MPP3: variants seen among roughly 807,000 people sequenced by gnomAD.
The protein encoded by MPP3 is MAGUK p55 subfamily member 3.
In MPP3, 48 loss-of-function variants were observed where a neutral mutation model predicts 80.7. The observed-to-expected ratio is 0.59, with a 90% CI of 0.47 to 0.76. The LOEUF is 0.76. Among genes scored for constraint, MPP3 ranks in the 30% least tolerant of loss-of-function variants. The probability of loss-of-function intolerance (pLI) is 0.00; values close to 1 mark genes in which losing one functional copy is unlikely to be tolerated. For missense variants in MPP3, 620 were observed against 763.0 expected, an observed-to-expected ratio of 0.81 and a Z score of 2.21; for synonymous variants, 311 against 297.6, an observed-to-expected ratio of 1.04 and a Z score of -0.46.
rs1264169757 is a variant in MPP3 at position 43,820,603 on chromosome 17, A to ATACACACAC, written c.881+258_881+259insGTGTGTGTA. ...GAGACTCTGTCTCAAAAAAAAAAAA[A>ATACACACAC]ATACACACACACACACACACACACA... is the stretch of plus-strand genomic sequence containing the variant. On this transcript the variant is annotated intron_variant, in intron 11 of 19. Transcript: ENST00000398389. 1.5e-3 allele frequency among the ~76,000 whole-genome samples: 188 copies of ATACACACAC among 127,592 alleles called. 2 individuals are homozygous for ATACACACAC. The highest frequency in any genetic ancestry group is 6.7e-3 in the African/African-American group (183 of 27,288). The allele number at this position is 127,592 out of a possible 152,430, so 83.7% of individuals were successfully genotyped here.
intron 11 of MPP3, among the ~76,000 whole-genome samples, chr17:43,820,624 A>G (rs2045400512): frequency 6.6e-6 from 1 of 150,986 alleles, no homozygotes; most frequent in Non-Finnish European, 1.5e-5. Context: ...ACACACACAC[A>G]CACACACACA....
intron 18 of MPP3, among the ~76,000 whole-genome samples, chr17:43,809,819 C>T (rs1472157678): frequency 2.6e-5 from 4 of 151,968 alleles, no homozygotes; most frequent in Admixed American, 1.3e-4. Flanking sequence ...GCGGAGCTTG[C>T]GGTGAACCAA....
intron 7 of MPP3, among the ~76,000 whole-genome samples, chr17:43,829,288 A>T (rs934104152): frequency 1.3e-5 from 2 of 152,210 alleles, no homozygotes; most frequent in Non-Finnish European, 2.9e-5. Context: ...AGCCACAGCC[A>T]ATCTGTAAGT....
intron 11 of MPP3, among the ~76,000 whole-genome samples, chr17:43,820,639 CATT>C (rs1374188188): frequency 1.4e-5 from 2 of 145,312 alleles, no homozygotes; most frequent in East Asian, 2.0e-4. Flanking sequence ...CACACACACA[CATT>C]AACTTAATAA....
rs1246367860 is a variant in MPP3 at position 43,825,861 on chromosome 17, A to T, written c.524-20T>A. On this transcript the variant is annotated intron_variant, in intron 8 of 19. Coordinates refer to ENST00000398389, the MANE Select transcript of MPP3 (RefSeq NM_001932.6). ...CCAGGCCTAGGAGACACAGGGACTG[A>T]CCATCAGCACAGGAGGAGGACCTGA... 4 of 1,501,930 alleles carry T rather than the reference A, an allele frequency of 2.7e-6. No homozygotes were observed. Among genetic ancestry groups the T allele is most frequent in the Non-Finnish European group, 3.7e-6 (4 of 1,077,832 alleles). 93.0% of individuals were successfully genotyped at this position (1,501,930 alleles called of 1,614,324 possible). A position where few individuals can be genotyped will look rare whatever the true frequency, so the allele number is the denominator to read the frequency against.
intron 19 of MPP3, among the ~76,000 whole-genome samples, chr17:43,802,249 G>A (rs937147860): frequency 5.3e-5 from 8 of 152,112 alleles, no homozygotes; most frequent in Non-Finnish European, 1.0e-4. Flanking sequence ...GTATTGTGCC[G>A]CATGACATTC....
At chr17:43,813,988 CA>C in intron 16 of MPP3, 22 bp downstream of exon 16, 1 of 1,577,328 alleles carries the variant, frequency 6.3e-7, no homozygotes, top group Non-Finnish European at 8.7e-7. Context: ...GACAAACACA[CA>C]CTCCCACATG....
At chr17:43,832,131 C>A in intron 2 of MPP3, 188 bp from the exon 3 acceptor site, 1 of 588,548 alleles carries the variant, frequency 1.7e-6, no homozygotes, top group Non-Finnish European at 3.0e-6. Flanking sequence ...CCTCGATGTG[C>A]CAAGCATTGT....
chr17:43,805,142 AT>A (rs1316244058), intron 19 of MPP3, among the ~76,000 whole-genome samples: 1 of 152,260 alleles, frequency 6.6e-6, no homozygotes, highest in Non-Finnish European at 1.5e-5. Flanking sequence ...AAAAATGGAC[AT>A]TTAAAAATGG....
chr17:43,816,715 G>T lies in MPP3; in HGVS notation c.947-18C>A. 6.4e-7 allele frequency: 1 copy of T among 1,571,922 alleles called. No individual in the cohort carries two copies. On this transcript the variant is annotated intron_variant, in intron 12 of 19. Coordinates refer to ENST00000398389, the MANE Select transcript of MPP3 (RefSeq NM_001932.6). The stretch of plus-strand genomic sequence containing the variant: ...CTGATCATCTGCGGTTTGCACAAAA[G>T]ACAGATGGAACAGCATTAGTGGAGG...
chr17:43,823,946 G>A lies in MPP3; in HGVS notation c.669C>T (p.Arg223=). The A allele has an allele frequency of 1.9e-6, 3 of 1,611,318 alleles. No homozygotes were observed. The highest frequency in any genetic ancestry group is 2.5e-6 in the Non-Finnish European group (3 of 1,178,888). The change falls in exon 10 of 20, where the codon CGC becomes CGT. Residue 223 remains arginine (R), a synonymous_variant. Transcript: ENST00000398389. The stretch of plus-strand genomic sequence containing the variant: ...CTCCCCATACCTTGCTCTCCTTTAA[G>A]CGATCTTCCTCCTGGGTGGCTGGGA... ...KIIPATQEED[R]LKESKVFMRA...
chr17:43,818,505 C>T (rs1217585577), intron 11 of MPP3, among the ~76,000 whole-genome samples: 3 of 152,130 alleles, frequency 2.0e-5, no homozygotes, highest in Non-Finnish European at 2.9e-5. Flanking sequence ...CAGGAGAGGC[C>T]GAGGACAGAA....
intron 10 of MPP3, 78 bp from the exon 11 acceptor site, chr17:43,821,136 T>G: frequency 1.4e-6 from 2 of 1,406,396 alleles, no homozygotes; most frequent in Non-Finnish European, 2.0e-6. Flanking sequence ...AAAGGCCACA[T>G]GACAACGACC....
At chr17:43,803,380 G>C (rs758973899) in intron 19 of MPP3, among the ~76,000 whole-genome samples, 2 of 152,160 alleles carry the variant, frequency 1.3e-5, no homozygotes, top group Non-Finnish European at 2.9e-5. Context: ...TGTGACATTT[G>C]CTTAGCAGTC....
At chr17:43,819,243 C>G (rs1027474673) in intron 11 of MPP3, among the ~76,000 whole-genome samples, 1 of 152,194 alleles carries the variant, frequency 6.6e-6, no homozygotes, top group East Asian at 1.9e-4. Flanking sequence ...GTCCACACAC[C>G]AAAAGATGTG....
intron 12 of MPP3, 138 bp downstream of exon 12, chr17:43,817,908 C>T (rs987873027): frequency 2.4e-6 from 1 of 416,028 alleles, no homozygotes; most frequent in East Asian, 8.8e-5. Flanking sequence ...CCCACCCCCT[C>T]CTTCCTCTGG....
At chr17:43,820,547 C>T (rs562285275) in intron 11 of MPP3, among the ~76,000 whole-genome samples, 5 of 149,484 alleles carry the variant, frequency 3.3e-5, no homozygotes, top group Middle Eastern at 3.5e-3. Flanking sequence ...AGCTAAGATT[C>T]GCCACTGCAC....
Position 43,823,912 on chromosome 17 carries a change from C to A in MPP3, c.684+19G>T. 1 of 1,598,632 alleles carries A rather than the reference C, an allele frequency of 6.3e-7. No individual in the cohort carries two copies. Among genetic ancestry groups the A allele is most frequent in the South Asian group, 1.1e-5 (1 of 89,114 alleles). Reference sequence around the variant, plus strand: ...TCTCTCAAGCTGAGAGAGGGCACCGCGGACCCACCTCCCCATACCTTGCTC... The same window carrying A: ...TCTCTCAAGCTGAGAGAGGGCACCGAGGACCCACCTCCCCATACCTTGCTC... On this transcript the variant is annotated intron_variant, in intron 10 of 19. Coordinates refer to ENST00000398389, the MANE Select transcript of MPP3 (RefSeq NM_001932.6).
At chr17:43,808,152 G>A (rs1473010056) in intron 19 of MPP3, among the ~76,000 whole-genome samples, 2 of 152,164 alleles carry the variant, frequency 1.3e-5, no homozygotes, top group Non-Finnish European at 2.9e-5. Context: ...GAATTAGTAT[G>A]AACTAGGATT....
Sources: allele counts gnomAD v4.1 joint callset (sites outside exome capture counted in the v4.1 genomes callset), GRCh38; gene constraint gnomAD v4.1.1; transcripts MANE v1.5; gene names NCBI Gene and HGNC (gene_info 2026-07-23, HGNC 2026-07-21).